The following FILIP1 variants were observed in gnomAD, a reference collection of about 807,000 sequenced individuals.
FILIP1 encodes filamin-A-interacting protein 1.
Under a neutral mutation model 102.1 loss-of-function variants are expected in FILIP1, and 61 were observed. The ratio of observed to expected loss-of-function variants is 0.60; its 90% confidence interval spans 0.49 to 0.74. FILIP1 has a LOEUF of 0.74. Among genes scored for constraint, FILIP1 ranks in the 30% least tolerant of loss-of-function variants. FILIP1 has a pLI of 0.00. For synonymous variants in FILIP1, 491 were observed against 526.9 expected (o/e 0.93, Z 0.93); for missense variants, 1,314 against 1,441.2 (o/e 0.91, Z 1.43).
exon 7 of FILIP1, chr6:75,294,863 CTTTTTTTTTTTTT>C (rs11299703): frequency 2.8e-4 from 25 of 90,536 alleles, no homozygotes; most frequent in Non-Finnish European, 1.3e-4. Context: ...CAGCTAACTT[CTTTTTTTTTTTTT>C]TTTTTTTTTT....
At chr6:75,366,161 C>T (rs766297185) in intron 2 of FILIP1, 1 of 152,228 alleles carries the variant, frequency 6.6e-6, no homozygotes, top group Non-Finnish European at 1.5e-5. Context: ...GATTTAGTCA[C>T]ATTCTAACTA....
intron 2 of FILIP1, chr6:75,398,989 A>G (rs761079866): frequency 2.6e-5 from 4 of 152,182 alleles, no homozygotes; most frequent in African/African-American, 4.8e-5. Context: ...CTTCCTCCTC[A>G]TGCTTTCTGG....
chr6:75,469,010 T>C (rs969048647), intron 1 of FILIP1, among the ~76,000 whole-genome samples: 2 of 152,022 alleles, frequency 1.3e-5, no homozygotes, highest in East Asian at 1.9e-4. Flanking sequence ...CAGTAATTCT[T>C]TGATATAATT....
chr6:75,387,437 C>T (rs887170473), intron 2 of FILIP1, among the ~76,000 whole-genome samples: 8 of 152,148 alleles, frequency 5.3e-5, no homozygotes. Flanking sequence ...AATGGTATTT[C>T]TAGTTCTAGA....
intron 1 of FILIP1, among the ~76,000 whole-genome samples, chr6:75,457,620 CT>C (rs1343642688): frequency 1.4e-5 from 2 of 148,074 alleles, no homozygotes; most frequent in African/African-American, 5.3e-5. Flanking sequence ...AAGTCTCTCT[CT>C]CTCTCTCTCT....
At chr6:75,459,478 T>G (rs899106844) in intron 1 of FILIP1, among the ~76,000 whole-genome samples, 1 of 152,300 alleles carries the variant, frequency 6.6e-6, no homozygotes, top group South Asian at 2.1e-4. Context: ...ATTGAAGATA[T>G]TGGAAAAGAG....
chr6:75,475,804 T>C (rs1779458254), intron 1 of FILIP1, among the ~76,000 whole-genome samples: 1 of 152,174 alleles, frequency 6.6e-6, no homozygotes, highest in Admixed American at 6.5e-5. Flanking sequence ...ATTATATCCA[T>C]AAAATGAAAA....
exon 7 of FILIP1, chr6:75,294,512 A>G (rs1312293645): frequency 3.9e-5 from 6 of 152,336 alleles, no homozygotes; most frequent in South Asian, 2.1e-4. Context: ...CCTAAATTCA[A>G]CAGTAGCTCT....
chr6:75,322,332 G>A (rs1773692419), intron 4 of FILIP1, among the ~76,000 whole-genome samples: 1 of 152,182 alleles, frequency 6.6e-6, no homozygotes, highest in Non-Finnish European at 1.5e-5. Context: ...AGCAGAATAA[G>A]AGATTTAAGT....
At chr6:75,372,532 A>G (rs1209574080) in intron 2 of FILIP1, among the ~76,000 whole-genome samples, 2 of 150,606 alleles carry the variant, frequency 1.3e-5, no homozygotes, top group Admixed American at 1.3e-4. Flanking sequence ...TCAATATCAC[A>G]AGTCATTAGG....
At chr6:75,328,721 C>T (rs1232239464) in intron 4 of FILIP1, among the ~76,000 whole-genome samples, 1 of 151,896 alleles carries the variant, frequency 6.6e-6, no homozygotes, top group Non-Finnish European at 1.5e-5. Flanking sequence ...CTCCTGGCCT[C>T]AAGTGAGCCA....
At chr6:75,440,438 T>C (rs1342096670) in intron 1 of FILIP1, among the ~76,000 whole-genome samples, 3 of 152,158 alleles carry the variant, frequency 2.0e-5, no homozygotes, top group Non-Finnish European at 2.9e-5. Flanking sequence ...ATTTTCACTA[T>C]GAAGGGCTTA....
chr6:75,493,155 T>G (rs1179225958), intron 1 of FILIP1, among the ~76,000 whole-genome samples: 1 of 152,218 alleles, frequency 6.6e-6, no homozygotes, highest in Non-Finnish European at 1.5e-5. Flanking sequence ...AGCACTAACT[T>G]GGGAGAAATA....
chr6:75,452,697 C>A (rs184931045), intron 1 of FILIP1, among the ~76,000 whole-genome samples: 352 of 152,258 alleles, frequency 2.3e-3, no homozygotes, highest in Non-Finnish European at 3.8e-3. Flanking sequence ...TAATACTAAT[C>A]TTGTGACTAT....
chr6:75,426,379 A>G (rs1777626339), intron 1 of FILIP1, among the ~76,000 whole-genome samples: 1 of 152,122 alleles, frequency 6.6e-6, no homozygotes, highest in African/African-American at 2.4e-5. Flanking sequence ...ATGGGTAAAA[A>G]TTGAGAGTAG....
intron 1 of FILIP1, among the ~76,000 whole-genome samples, chr6:75,472,384 T>C (rs1779358067): frequency 6.6e-6 from 1 of 152,150 alleles, no homozygotes; most frequent in South Asian, 2.1e-4. Context: ...TGAATGTTAA[T>C]TTAATAGAAC....
intron 2 of FILIP1, among the ~76,000 whole-genome samples, chr6:75,394,444 T>C (rs1225897997): frequency 1.3e-5 from 2 of 152,038 alleles, no homozygotes. Context: ...TGACTAATAA[T>C]AGTAATAATA....
intron 4 of FILIP1, among the ~76,000 whole-genome samples, chr6:75,347,698 C>CA (rs5877452): frequency 0.73 from 111,104 of 151,964 alleles, 41,087 homozygotes; most frequent in African/African-American, 0.85. Context: ...TTTTCAAAAA[C>CA]GTTGATTCTG....
At chr6:75,489,720 C>T (rs549838580) in intron 1 of FILIP1, among the ~76,000 whole-genome samples, 1 of 152,130 alleles carries the variant, frequency 6.6e-6, no homozygotes, top group Admixed American at 6.6e-5. Context: ...CCTTTTCTGA[C>T]TCCTCTTCCA....
Sources: allele counts gnomAD v4.1 joint callset (sites outside exome capture counted in the v4.1 genomes callset), GRCh38; gene constraint gnomAD v4.1.1; transcripts MANE v1.5; gene names NCBI Gene and HGNC (gene_info 2026-07-23, HGNC 2026-07-21).